Variants in PTPN1 observed in about 807,000 individuals in gnomAD.
The protein encoded by PTPN1 is tyrosine-protein phosphatase non-receptor type 1.
In PTPN1, 12 loss-of-function variants were observed where a neutral mutation model predicts 59.9. The ratio of observed to expected loss-of-function variants is 0.20; its 90% CI spans 0.13 to 0.32. The LOEUF is 0.32. PTPN1 is among the 10% of genes least tolerant of loss of function. The probability of loss-of-function intolerance (pLI) is 1.00; values close to 1 mark genes in which losing one functional copy is unlikely to be tolerated. For missense variants in PTPN1, 356 were observed against 549.2 expected, an observed-to-expected ratio of 0.65 and a Z score of 3.52; for synonymous variants, 178 against 203.6, an observed-to-expected ratio of 0.87 and a Z score of 1.07.
chr20:50,548,074 G>C (rs1265256667), intron 1 of PTPN1, among the ~76,000 whole-genome samples: 2 of 151,940 alleles, frequency 1.3e-5, no homozygotes, highest in South Asian at 4.2e-4. Flanking sequence ...GTTTGCCTCC[G>C]TGTCTCAGTG....
chr20:50,536,818 T>C (rs186710793), intron 1 of PTPN1, among the ~76,000 whole-genome samples: 23 of 152,364 alleles, frequency 1.5e-4, no homozygotes, highest in Admixed American at 1.4e-3. Flanking sequence ...CAAGTCTTGA[T>C]TATATCTTTT....
intron 1 of PTPN1, among the ~76,000 whole-genome samples, chr20:50,527,489 G>C (rs943915107): frequency 2.6e-5 from 4 of 152,114 alleles, no homozygotes; most frequent in African/African-American, 9.7e-5. Flanking sequence ...GATTACAGGT[G>C]CCTGTCATCA....
intron 1 of PTPN1, among the ~76,000 whole-genome samples, chr20:50,560,608 GCTGT>G: frequency 6.6e-6 from 1 of 151,276 alleles, no homozygotes; most frequent in Admixed American, 6.6e-5. Flanking sequence ...AGGGGATGGG[GCTGT>G]CTTTTTTTTT....
At chr20:50,565,944 G>A (rs371374295) in intron 3 of PTPN1, among the ~76,000 whole-genome samples, 28 of 152,158 alleles carry the variant, frequency 1.8e-4, no homozygotes, top group African/African-American at 2.7e-4. Flanking sequence ...GTCAGGGCGC[G>A]TTCAACTGAG....
At chr20:50,580,383 T>C (rs957506689) in intron 8 of PTPN1, among the ~76,000 whole-genome samples, 2 of 152,230 alleles carry the variant, frequency 1.3e-5, no homozygotes. Flanking sequence ...ACAACCATTA[T>C]TGAGTACCTA....
At chr20:50,531,706 T>C (rs2082601967) in intron 1 of PTPN1, among the ~76,000 whole-genome samples, 1 of 152,118 alleles carries the variant, frequency 6.6e-6, no homozygotes, top group African/African-American at 2.4e-5. Context: ...TCGTGGACAA[T>C]GTGGGAAGTA....
rs2082876995 is a variant in PTPN1 at position 50,583,004 on chromosome 20, C to A, written c.*289C>A. Reference sequence around the variant, plus strand: ...CGGCGCAGAGGGAAGGGGCCTACACCCGTCTTGGGGCTCGCCCCACCCAGG... The same window carrying A: ...CGGCGCAGAGGGAAGGGGCCTACACACGTCTTGGGGCTCGCCCCACCCAGG... On this transcript the variant is annotated 3_prime_UTR_variant, in exon 10 of 10. Transcript: ENST00000371621. 4.2e-6 allele frequency: 2 copies of A among 476,590 alleles called. No individual in the cohort carries two copies. Among genetic ancestry groups the A allele is most frequent in the Non-Finnish European group, 3.8e-6 (1 of 263,100 alleles). The allele number at this position is 476,590 out of a possible 1,614,324, so 29.5% of individuals were successfully genotyped here.
At chr20:50,531,698 G>A (rs1160766974) in intron 1 of PTPN1, among the ~76,000 whole-genome samples, 2 of 152,152 alleles carry the variant, frequency 1.3e-5, no homozygotes, top group Non-Finnish European at 2.9e-5. Context: ...AGAAGCTGTC[G>A]TGGACAATGT....
At chr20:50,579,592 G>C (rs1490881364) in intron 7 of PTPN1, 111 bp from the exon 8 acceptor site, 2 of 1,008,116 alleles carry the variant, frequency 2.0e-6, no homozygotes, top group Non-Finnish European at 3.0e-6. Context: ...CTGCAGCCCT[G>C]AGAGGCCGAG....
intron 1 of PTPN1, among the ~76,000 whole-genome samples, chr20:50,514,681 T>C (rs1248275250): frequency 6.6e-6 from 1 of 152,358 alleles, no homozygotes; most frequent in Non-Finnish European, 1.5e-5. Context: ...CCTGAGCCTA[T>C]ATATATTTTG....
At position 50,570,364 on chromosome 20, in the gene PTPN1, A is replaced by G. The variant is rs372378336; in HGVS notation, c.354+1886A>G. On this transcript the variant is annotated intron_variant, in intron 4 of 9. Coordinates refer to ENST00000371621, the MANE Select transcript of PTPN1 (RefSeq NM_002827.4). ...ACCCTTGCCTACTTTTTAAAAAATG[A>G]AAGTGTTTATTTGCCCAACAATAAC... is the stretch of plus-strand genomic sequence containing the variant. Among the ~76,000 whole-genome samples the G allele has an allele frequency of 1.1e-4, 16 of 152,292 alleles. No homozygotes were observed. In the East Asian group the frequency reaches 1.5e-3, roughly 15 times the overall value.
At chr20:50,534,438 T>C (rs979548098) in intron 1 of PTPN1, among the ~76,000 whole-genome samples, 6 of 152,244 alleles carry the variant, frequency 3.9e-5, no homozygotes, top group Admixed American at 1.3e-4. Context: ...AGATTTTATA[T>C]GTTTTCTAAT....
chr20:50,519,161 A>G (rs2082540895), intron 1 of PTPN1, among the ~76,000 whole-genome samples: 2 of 152,188 alleles, frequency 1.3e-5, no homozygotes, highest in African/African-American at 4.8e-5. Context: ...AATGCTTTTG[A>G]AAGTTTGAGT....
chr20:50,579,478 A>G, intron 7 of PTPN1, 149 bp downstream of exon 7: 1 of 1,069,162 alleles, frequency 9.4e-7, no homozygotes, highest in South Asian at 1.5e-5. Flanking sequence ...AGTTGTCAAA[A>G]TGTTCACCAT....
In PTPN1 at chr20:50,582,444, G is replaced by A. The variant is rs945602341; in HGVS notation, c.1285-248G>A. Among the ~76,000 whole-genome samples the A allele has an allele frequency of 2.6e-5, 4 of 152,216 alleles. No homozygotes were observed. The highest frequency in any genetic ancestry group is 4.4e-5 in the Non-Finnish European group (3 of 68,046). On this transcript the variant is annotated intron_variant, in intron 9 of 9. Transcript: ENST00000371621. The surrounding 1 kb of genome is among the most constrained non-coding windows in gnomAD (Gnocchi z 4.2). ...GGAAATGACCTCCTAAGACTTTTTC[G>A]TGGTTTTAAATATTTTACCTCTTTC...
chr20:50,510,627 T>C, intron 1 of PTPN1, 37 bp downstream of exon 1: 3 of 1,545,866 alleles, frequency 1.9e-6, no homozygotes, highest in Non-Finnish European at 2.6e-6. Context: ...GGCCCTTCGC[T>C]TAGGCCGCTT....
Position 50,584,838 on chromosome 20 carries a change from C to T in PTPN1, c.*2123C>T, listed in dbSNP as rs1195405872. The stretch of plus-strand genomic sequence containing the variant: ...GAGTAACTCCTGTTTCTTTCTATCC[C>T]TGCTGATGTGAAACAGATGTTGTCA... On this transcript the variant is annotated 3_prime_UTR_variant, in exon 10 of 10. Transcript: ENST00000371621. 1 of 152,186 alleles carries T rather than the reference C, an allele frequency of 6.6e-6. No homozygotes were observed. The highest frequency in any genetic ancestry group is 1.5e-5 in the Non-Finnish European group (1 of 68,036). The allele number at this position is 152,186 out of a possible 1,614,324, so 9.4% of individuals were successfully genotyped here.
At chr20:50,534,665 A>G (rs2082615847) in intron 1 of PTPN1, among the ~76,000 whole-genome samples, 1 of 152,190 alleles carries the variant, frequency 6.6e-6, no homozygotes, top group Non-Finnish European at 1.5e-5. Context: ...AACCTAAAGT[A>G]ATCTTCAACT....
At chr20:50,575,196 G>A (rs894901634) in intron 5 of PTPN1, among the ~76,000 whole-genome samples, 14 of 152,216 alleles carry the variant, frequency 9.2e-5, no homozygotes, top group African/African-American at 2.7e-4. Context: ...CGCTGAACGC[G>A]CTGCTCCTGG....
Sources: allele counts gnomAD v4.1 joint callset (sites outside exome capture counted in the v4.1 genomes callset), GRCh38; gene constraint gnomAD v4.1.1; non-coding constraint Gnocchi (gnomAD v3.1); transcripts MANE v1.5; gene names NCBI Gene and HGNC (gene_info 2026-07-23, HGNC 2026-07-21).